Variants in TSPAN1 observed in about 807,000 individuals in gnomAD.
TSPAN1 encodes tetraspanin-1.
TSPAN1 carries 23 observed loss-of-function variants against 26.9 expected under a neutral mutation model. The observed-to-expected ratio is 0.85, with a 90% CI of 0.62 to 1.21. TSPAN1 has a LOEUF of 1.21. TSPAN1 is among the 50% of genes most tolerant of loss of function. The pLI, the probability that TSPAN1 is intolerant of heterozygous loss-of-function variation, is 0.00. For missense variants in TSPAN1, 283 were observed against 298.4 expected (o/e 0.95, Z 0.38); for synonymous variants, 115 against 114.8 (o/e 1.00, Z -0.01).
Position 46,184,892 on chromosome 1 carries a change from G to A in TSPAN1, c.438+9G>A, listed in dbSNP as rs764270183. Reference sequence around the variant, plus strand: ...ACACCACCATGAAAGGGGTAAGGTTGGCTGGGGGAGGTTTTAGGGTGGAGA... The same window carrying A: ...ACACCACCATGAAAGGGGTAAGGTTAGCTGGGGGAGGTTTTAGGGTGGAGA... On this transcript the variant is annotated intron_variant, in intron 6 of 8. Transcript: ENST00000372003. 1 of 1,614,198 alleles carries A rather than the reference G, an allele frequency of 6.2e-7. No homozygotes were observed.
At chr1:46,179,817 A>G (rs1657267742) in intron 1 of TSPAN1, among the ~76,000 whole-genome samples, 2 of 152,162 alleles carry the variant, frequency 1.3e-5, no homozygotes. Flanking sequence ...AGATGGAAAG[A>G]TGAAGGGAGG....
chr1:46,183,789 C>A lies in TSPAN1; in HGVS notation c.58-402C>A, dbSNP rs988462427. On this transcript the variant is annotated intron_variant, in intron 3 of 8. Transcript: ENST00000372003. ...ACTATTGAGCCTGTTCTGCTACCAC[C>A]CCCGTCTCCACCTATCAGAGGACAG... 1.5e-5 allele frequency: 4 copies of A among 275,490 alleles called. No homozygotes were observed. The South Asian group carries it at 1.7e-4, about 12-fold the overall frequency. The allele number at this position is 275,490 out of a possible 1,614,324, so 17.1% of individuals were successfully genotyped here.
the TSPAN1 span, chr1:46,193,585 A>T: frequency 1.9e-5 from 30 of 1,614,050 alleles, no homozygotes; most frequent in Non-Finnish European, 2.5e-5. Flanking sequence ...CGTCAATGAA[A>T]ACTGTTATCA....
At position 46,185,018 on chromosome 1, in the gene TSPAN1, A is replaced by G; in HGVS notation, c.497A>G (p.Glu166Gly). 1 of 1,614,180 alleles carries G rather than the reference A, an allele frequency of 6.2e-7. No homozygotes were observed. Among genetic ancestry groups the G allele is most frequent in the South Asian group, 1.1e-5 (1 of 91,084 alleles). ...TDFEDSPYFK[E>G]NSAFPPFCCN... is the part of the protein sequence containing the mutation. ...TTTGAGGACTCACCCTACTTCAAAG[A>G]GAACAGTGCCTTTCCCCCATTCTGT... Residue 166 changes from glutamate (E) to glycine (G), a missense_variant, in exon 7 of 9, where the codon GAG (glutamate) becomes GGG (glycine). Glu to Gly is a moderately conservative substitution (Grantham distance 98, BLOSUM62 -2). Coordinates refer to ENST00000372003, the MANE Select transcript of TSPAN1 (RefSeq NM_005727.4).
chr1:46,192,982 G>C, the TSPAN1 span: 1 of 1,613,146 alleles, frequency 6.2e-7, no homozygotes, highest in Non-Finnish European at 8.5e-7. Context: ...GGGACATCAT[G>C]GTCCCAAAGG....
the TSPAN1 span, chr1:46,193,721 C>A: frequency 6.2e-7 from 1 of 1,605,138 alleles, no homozygotes; most frequent in East Asian, 2.2e-5. Context: ...GGCCCAGAGT[C>A]CCTATGCTTA....
chr1:46,183,071 T>A (rs1222718072), intron 3 of TSPAN1, among the ~76,000 whole-genome samples: 1 of 152,192 alleles, frequency 6.6e-6, no homozygotes, highest in African/African-American at 2.4e-5. Flanking sequence ...CACCTCTGCC[T>A]CCCAAAGTGC....
At position 46,184,953 on chromosome 1, in the gene TSPAN1, T is replaced by C. The variant is rs1237114949; in HGVS notation, c.439-7T>C. On this transcript the variant is annotated splice_region_variant and splice_polypyrimidine_tract_variant and intron_variant, in intron 6 of 8. Transcript: ENST00000372003. ...AGGCCCCACCTCCACCCTCATCTTG[T>C]CTCCAGCTCAAGTGCTGTGGCTTCA... The C allele has an allele frequency of 6.2e-7, 1 of 1,614,102 alleles. No individual in the cohort carries two copies. Among genetic ancestry groups the C allele is most frequent in the Admixed American group, 1.7e-5 (1 of 60,008 alleles).
At chr1:46,189,568 C>T (rs1457667479), downstream of TSPAN1, 1 of 1,609,924 alleles carries the variant, frequency 6.2e-7, no homozygotes, top group Non-Finnish European at 8.5e-7. Context: ...TATGGAGGCA[C>T]TAGTGAGGGT....
chr1:46,194,509 C>T, the TSPAN1 span: 2 of 1,614,026 alleles, frequency 1.2e-6, no homozygotes, highest in African/African-American at 2.7e-5. Flanking sequence ...TAAATGCCCA[C>T]CCCCAGCCCA....
intron 1 of TSPAN1, chr1:46,176,452 A>G (rs933641381): frequency 6.5e-6 from 10 of 1,535,608 alleles, no homozygotes; most frequent in Non-Finnish European, 8.7e-6. Context: ...AGGGCCACGG[A>G]CAAGCCGAGA....
downstream of TSPAN1, chr1:46,189,182 G>C (rs1208220478): frequency 2.6e-6 from 4 of 1,535,122 alleles, no homozygotes; most frequent in Non-Finnish European, 3.5e-6. Flanking sequence ...GCCCCTACCA[G>C]CATCTACAAA....
Position 46,183,227 on chromosome 1 carries a change from C to T in TSPAN1, c.58-964C>T, listed in dbSNP as rs551745903. ...GCAAATCCGGTTTGATTTCTGGCCT[C>T]TGTTACCCAGACCTTGCCAGGCTGG... On this transcript the variant is annotated intron_variant, in intron 3 of 8. Coordinates refer to ENST00000372003, the MANE Select transcript of TSPAN1 (RefSeq NM_005727.4). 6.6e-5 allele frequency among the ~76,000 whole-genome samples: 10 copies of T among 152,236 alleles called. 1 individual carries two copies. In the South Asian group the frequency reaches 2.1e-3, roughly 32 times the overall value.
chr1:46,194,256 T>C, the TSPAN1 span: 1 of 1,614,030 alleles, frequency 6.2e-7, no homozygotes, highest in Admixed American at 1.7e-5. Flanking sequence ...AACCTCACTG[T>C]CTTAAGGCCC....
chr1:46,181,073 C>G (rs1041688484), intron 2 of TSPAN1, 27 bp from the exon 3 acceptor site: 2 of 1,611,364 alleles, frequency 1.2e-6, no homozygotes, highest in African/African-American at 1.3e-5. Context: ...GAAACAAGGC[C>G]CTAACTTGCA....
At chr1:46,195,034 A>G in the TSPAN1 span, 9 of 1,338,046 alleles carry the variant, frequency 6.7e-6, no homozygotes, top group South Asian at 5.9e-5. Context: ...AGCACGAACT[A>G]TGTAGCAACC....
downstream of TSPAN1, chr1:46,190,861 T>C (rs1657711363): frequency 2.2e-6 from 3 of 1,344,394 alleles, no homozygotes; most frequent in Non-Finnish European, 2.1e-6. Context: ...GCCAGACATC[T>C]ATAAGACACA....
In TSPAN1 at chr1:46,184,334, C is replaced by G. The variant is rs868577146; in HGVS notation, c.201C>G (p.Val67=). Residue 67 remains valine, a synonymous_variant, in exon 4 of 9, where the codon GTC becomes GTG. Transcript: ENST00000372003. ...TCCTCATCGCAGCCGGCGTTGTGGT[C>G]TTTGCTCTTGGTTTCCTGGGCTGCT... ...GYFLIAAGVV[V]FALGFLGCYG... The G allele has an allele frequency of 1.2e-6, 2 of 1,614,164 alleles. No individual in the cohort carries two copies. Among genetic ancestry groups the G allele is most frequent in the Admixed American group, 1.7e-5 (1 of 60,018 alleles).
At chr1:46,189,150 T>A, downstream of TSPAN1, 1 of 1,500,902 alleles carries the variant, frequency 6.7e-7, no homozygotes. Flanking sequence ...TTAAGTCTCA[T>A]GTTAAAAACA....
Sources: gnomAD v4.1 joint callset for allele counts (sites outside exome capture counted in the v4.1 genomes callset) on GRCh38, gnomAD v4.1.1 for gene constraint, MANE v1.5 for transcripts, NCBI Gene and HGNC (gene_info 2026-07-23, HGNC 2026-07-21) for gene names.